MED12: variants seen among roughly 807,000 people sequenced by gnomAD.
The protein encoded by MED12 is mediator complex subunit 12.
In MED12, 10 loss-of-function variants were observed where a neutral mutation model predicts 177.7. That is an observed-to-expected ratio of 0.06 (90% CI 0.03 to 0.10). MED12 has a LOEUF of 0.10. Among genes scored for constraint, MED12 ranks in the 10% least tolerant of loss-of-function variants. The pLI is 1.00. For synonymous variants in MED12, 641 were observed against 678.4 expected (o/e 0.94, Z 0.86); for missense variants, 867 against 1,780.8 (o/e 0.49, Z 9.23).
Position 71,118,612 on chromosome X carries a change from C to A in MED12, c.-143C>A. ...TCCCTCGGTAGTTTCCGGCAATGGT[C>A]GAGAGTTTCTAACGTGCCCCCTTGT... On this transcript the variant is annotated 5_prime_UTR_variant, in exon 1 of 45. Coordinates refer to ENST00000374080, the MANE Select transcript of MED12 (RefSeq NM_005120.3). 1 of 533,844 alleles carries A rather than the reference C, an allele frequency of 1.9e-6. No homozygotes were observed. Among genetic ancestry groups the A allele is most frequent in the South Asian group, 2.6e-5 (1 of 39,191 alleles). The allele number at this position is 533,844 out of a possible 1,213,427, so 44.0% of individuals were successfully genotyped here.
chrX:71,126,361 G>A lies in MED12; in HGVS notation c.2562G>A (p.Glu854=), dbSNP rs1471725560. 8.3e-7 allele frequency: 1 copy of A among 1,210,609 alleles called. No individual in the cohort carries two copies. The highest frequency in any genetic ancestry group is 1.1e-6 in the Non-Finnish European group (1 of 895,366). ...VTAQVSRNVL[E]QITSFALGMS... ...ATCAGGTCTCCCGGAATGTTCTGGA[G>A]CAGATCACGAGCTTTGCCCTTGGCA... is the stretch of plus-strand genomic sequence containing the variant. The change falls in exon 19 of 45, where the codon GAG becomes GAA. Residue 854 remains glutamate (E), a synonymous_variant. Transcript: ENST00000374080.
At chrX:71,127,669 C>A in intron 21 of MED12, 1 of 480,770 alleles carries the variant, frequency 2.1e-6, no homozygotes, top group Non-Finnish European at 3.6e-6. Context: ...ATCTGTGGGG[C>A]CCACCCTCTT....
At position 71,128,651 on chromosome X, in the gene MED12, C is replaced by T. The variant is rs756127182; in HGVS notation, c.3408C>T (p.Ile1136=). 8 of 1,208,544 alleles carry T rather than the reference C, an allele frequency of 6.6e-6. No individual in the cohort carries two copies. The highest frequency in any genetic ancestry group is 1.8e-5 in the African/African-American group (1 of 57,005). Residue 1136 remains isoleucine, a synonymous_variant, in exon 24 of 45, where the codon ATC becomes ATT. Transcript: ENST00000374080. The part of the protein sequence containing the change: ...DSLATFVAIL[I]ARQCLLLEDL... ...TGGCTACTTTTGTTGCCATCCTCAT[C>T]GCTCGGCAGTGTTTGCTCCTGGAAG... is the stretch of plus-strand genomic sequence containing the variant.
rs966516434 is a variant in MED12 at position 71,129,433 on chromosome X, CG to C, written c.3691+9del. ...CTCAAGGCTGTGTTTGTACTTGGTA[CG>C]GGGGTAGGAAGGGAGTGGTGCCAGA... On this transcript the variant is annotated splice_donor_5th_base_variant and intron_variant, in intron 26 of 44. Transcript: ENST00000374080. 8.6e-7 allele frequency: 1 copy of C among 1,166,100 alleles called. No individual in the cohort carries two copies. The highest frequency in any genetic ancestry group is 2.2e-5 in the Admixed American group (1 of 45,877).
In MED12 at chrX:71,137,841, A is replaced by G; in HGVS notation, c.5942A>G (p.Asn1981Ser). Residue 1981 changes from asparagine to serine, a missense_variant, in exon 41 of 45, where the codon AAT (asparagine) becomes AGT (serine). Physicochemically the swap from Asn to Ser is conservative, Grantham distance 46. Transcript: ENST00000374080. Reference protein sequence around the residue: ...QPYQSTHPSTNPTLVDPTRHL... With the variant: ...QPYQSTHPSTSPTLVDPTRHL... ...TACCAGAGCACCCACCCTTCTACCA[A>G]TCCTACTCTTGTAGATCCTACCCGC... 2.5e-6 allele frequency: 3 copies of G among 1,210,787 alleles called. No individual in the cohort carries two copies. The highest frequency in any genetic ancestry group is 3.0e-5 in the East Asian group (1 of 33,804).
chrX:71,120,532 G>A (rs2092286639), intron 4 of MED12, among the ~76,000 whole-genome samples: 1 of 110,320 alleles, frequency 9.1e-6, no homozygotes, highest in African/African-American at 3.3e-5. Flanking sequence ...TAGGAAGGTG[G>A]GATTTGACTA....
chrX:71,124,952 T>C, intron 14 of MED12, 24 bp from the exon 15 acceptor site: 1 of 1,209,863 alleles, frequency 8.3e-7, no homozygotes, highest in East Asian at 3.0e-5. Flanking sequence ...CTTCTCATGT[T>C]CTGCTTTCTC....
In MED12 at chrX:71,127,611, G is replaced by A. The variant is rs147820835; in HGVS notation, c.2981+144G>A. ...GACTGTGTCCTCCACATACTGTTGT[G>A]TTACCAAGAGTGGGCCCTCTTCCTC... On this transcript the variant is annotated intron_variant, in intron 21 of 44. Coordinates refer to ENST00000374080, the MANE Select transcript of MED12 (RefSeq NM_005120.3). 2.2e-3 allele frequency: 1,167 copies of A among 541,881 alleles called. 13 individuals are homozygous for A. In the East Asian group the frequency reaches 0.037, roughly 17 times the overall value. 44.7% of individuals were successfully genotyped at this position (541,881 alleles called of 1,213,427 possible).
At position 71,134,449 on chromosome X, in the gene MED12, C is replaced by T. The variant is rs2147821323; in HGVS notation, c.4710C>T (p.Val1570=). The change falls in exon 34 of 45, where the codon GTC becomes GTT. Residue 1570 remains valine, a synonymous_variant. Transcript: ENST00000374080. The part of the protein sequence containing the change: ...LLLEIIISGT[V]DMQSNNELFT... ...TGGAGATCATCATCAGCGGCACTGT[C>T]GACATGCAGTCCAACAAGTAAAGCA... 8.7e-7 allele frequency: 1 copy of T among 1,145,131 alleles called. No homozygotes were observed. Among genetic ancestry groups the T allele is most frequent in the Non-Finnish European group, 1.2e-6 (1 of 850,936 alleles). 94.4% of individuals were successfully genotyped at this position (1,145,131 alleles called of 1,213,427 possible).
At position 71,125,729 on chromosome X, in the gene MED12, C is replaced by A. The variant is rs774516868; in HGVS notation, c.2422+16C>A. The A allele has an allele frequency of 1.3e-4, 153 of 1,180,214 alleles. 1 individual carries two copies. In the South Asian group the frequency reaches 2.5e-3, roughly 20 times the overall value. Reference sequence around the variant, plus strand: ...ACATTCTTAGGTACCTCACAGTAAGCCCCATACTGCCCTCCCTCCCTCTCC... The same window carrying A: ...ACATTCTTAGGTACCTCACAGTAAGACCCATACTGCCCTCCCTCCCTCTCC... On this transcript the variant is annotated intron_variant, in intron 17 of 44. Coordinates refer to ENST00000374080, the MANE Select transcript of MED12 (RefSeq NM_005120.3).
intron 41 of MED12, among the ~76,000 whole-genome samples, chrX:71,138,378 G>A (rs1457312864): frequency 9.1e-6 from 1 of 110,415 alleles, no homozygotes; most frequent in Non-Finnish European, 1.9e-5. Flanking sequence ...CCAGGCTGGA[G>A]TGTCGTGGCA....
intron 19 of MED12, 76 bp downstream of exon 19, chrX:71,126,560 G>A (rs1414388118): frequency 8.9e-7 from 1 of 1,121,660 alleles, no homozygotes; most frequent in Non-Finnish European, 1.2e-6. Context: ...ATAAGGACAG[G>A]CGTAGAGGCT....
chrX:71,135,337 C>G (rs1296704940), intron 36 of MED12, 84 bp downstream of exon 36: 2 of 1,044,603 alleles, frequency 1.9e-6, no homozygotes, highest in Non-Finnish European at 2.7e-6. Context: ...GTAGCTCCAA[C>G]AGACTCATCA....
chrX:71,136,220 T>C, intron 36 of MED12, 61 bp from the exon 37 acceptor site: 1 of 1,187,086 alleles, frequency 8.4e-7, no homozygotes, highest in Non-Finnish European at 1.1e-6. Flanking sequence ...TTCCTACAAA[T>C]GCTTGCAGTC....
Position 71,141,227 on chromosome X carries a change from TAGCAGCAGCAGCAACAGCAACAGC to T in MED12, c.6279_6302del (p.Gln2108_Gln2115del). ...TTCTGAAGTATCTTTTGTGTTCTTA[TAGCAGCAGCAGCAACAGCAACAGC>T]AGCAGCAGCAGCAGCAGCAACAGCA... On this transcript the variant is annotated splice_acceptor_variant and coding_sequence_variant, in exon 43 of 45. Transcript: ENST00000374080. LOFTEE classifies it high-confidence loss of function. 1.7e-6 allele frequency: 2 copies of T among 1,154,272 alleles called. No homozygotes were observed. Among genetic ancestry groups the T allele is most frequent in the Non-Finnish European group, 2.3e-6 (2 of 866,740 alleles).
At position 71,123,234 on chromosome X, in the gene MED12, G is replaced by A. The variant is rs2092294094; in HGVS notation, c.1617+8G>A. 2 of 1,211,348 alleles carry A rather than the reference G, an allele frequency of 1.7e-6. No individual in the cohort carries two copies. Among genetic ancestry groups the A allele is most frequent in the Non-Finnish European group, 2.2e-6 (2 of 895,312 alleles). ...GCGGAGATTGAGGCTGAGGTTAGAG[G>A]GCAGAGATAAGAGAACAAGATTGGC... On this transcript the variant is annotated splice_region_variant and intron_variant, in intron 11 of 44. Transcript: ENST00000374080.
In MED12 at chrX:71,131,532, G is replaced by A; in HGVS notation, c.4048-18G>A. On this transcript the variant is annotated intron_variant, in intron 28 of 44. Coordinates refer to ENST00000374080, the MANE Select transcript of MED12 (RefSeq NM_005120.3). ...TAACACGATGATGACTAGCCTGGGTGTGGGGCCTCTATCACAGAACTTGGA... is the reference window on the plus strand; with the variant it reads ...TAACACGATGATGACTAGCCTGGGTATGGGGCCTCTATCACAGAACTTGGA... 3.3e-6 allele frequency: 4 copies of A among 1,208,473 alleles called. No homozygotes were observed. The highest frequency in any genetic ancestry group is 4.5e-6 in the Non-Finnish European group (4 of 892,833).
In MED12 at chrX:71,133,133, A is replaced by G; in HGVS notation, c.4538A>G (p.Asn1513Ser). 2.5e-6 allele frequency: 3 copies of G among 1,194,978 alleles called. No homozygotes were observed. Among genetic ancestry groups the G allele is most frequent in the Non-Finnish European group, 3.4e-6 (3 of 880,281 alleles). The change falls in exon 33 of 45, where the codon AAT (asparagine) becomes AGT (serine). Residue 1513 changes from asparagine to serine, a missense_variant. This residue lies in a region of MED12 where 34 missense variants were observed against 58.9 expected (regional missense o/e 0.58). Transcript: ENST00000374080. Reference protein sequence around the residue: ...LYSQVHQIVNNWRDDQYLDDC... With the variant: ...LYSQVHQIVNSWRDDQYLDDC... ...TTGTTTCTATTCTAGATTGTGAATA[A>G]TTGGCGAGATGACCAGTACTTAGAT...
rs2092328932 is a variant in MED12 at position 71,135,142 on chromosome X, G to A, written c.4914G>A (p.Leu1638=). 1.7e-6 allele frequency: 2 copies of A among 1,211,537 alleles called. No individual in the cohort carries two copies. The highest frequency in any genetic ancestry group is 2.2e-6 in the Non-Finnish European group (2 of 895,406). Residue 1638 remains leucine, a synonymous_variant, in exon 36 of 45, where the codon CTG becomes CTA. Transcript: ENST00000374080. ...ACAGTCTGGAAAAGGTTCGCCAGCT[G>A]CTGCCACTGCCCAAGCAGACCCGAG... ...QSDSLEKVRQ[L]LPLPKQTRDV... is the part of the protein sequence containing the mutation.
Sources: allele counts gnomAD v4.1 joint callset (sites outside exome capture counted in the v4.1 genomes callset), GRCh38; gene constraint gnomAD v4.1.1; regional missense constraint gnomAD v4.1.1; transcripts MANE v1.5; gene names NCBI Gene and HGNC (gene_info 2026-07-23, HGNC 2026-07-21).